AKAP19: variants seen among roughly 807,000 people sequenced by gnomAD.
AKAP19 encodes the protein A-kinase anchoring protein 19.
the AKAP19 span, among the ~76,000 whole-genome samples, chr2:190,025,061 C>G: frequency 1.3e-5 from 2 of 152,122 alleles, no homozygotes; most frequent in African/African-American, 4.8e-5. Context: ...TGCATTTTAG[C>G]TTTCATATCA....
the AKAP19 span, among the ~76,000 whole-genome samples, chr2:189,966,684 G>T: frequency 6.6e-6 from 1 of 152,102 alleles, no homozygotes; most frequent in African/African-American, 2.4e-5. Flanking sequence ...AAGTAAACCT[G>T]GGGAAATCTG....
the AKAP19 span, among the ~76,000 whole-genome samples, chr2:190,058,612 C>T: frequency 6.6e-6 from 1 of 151,860 alleles, no homozygotes; most frequent in Non-Finnish European, 1.5e-5. Context: ...CCTAAGTGCC[C>T]ATCAGCGGAT....
chr2:190,027,299 A>T, the AKAP19 span, among the ~76,000 whole-genome samples: 10 of 152,312 alleles, frequency 6.6e-5, no homozygotes, highest in Admixed American at 1.3e-4. Context: ...GTGGCTATGT[A>T]CTAGAGATCA....
the AKAP19 span, among the ~76,000 whole-genome samples, chr2:190,094,123 G>A: frequency 6.6e-6 from 1 of 152,208 alleles, no homozygotes; most frequent in Non-Finnish European, 1.5e-5. Context: ...CCACTATGTG[G>A]GAAAAGATTG....
At chr2:190,154,048 T>C in the AKAP19 span, among the ~76,000 whole-genome samples, 2 of 152,312 alleles carry the variant, frequency 1.3e-5, no homozygotes, top group Admixed American at 1.3e-4. Context: ...TTGCAACCTC[T>C]TCTTTAGGAT....
At chr2:190,038,368 G>A in the AKAP19 span, among the ~76,000 whole-genome samples, 1 of 152,116 alleles carries the variant, frequency 6.6e-6, no homozygotes, top group Non-Finnish European at 1.5e-5. Flanking sequence ...AAACCATCTG[G>A]AGAGGTCAGG....
the AKAP19 span, among the ~76,000 whole-genome samples, chr2:190,130,657 T>A: frequency 6.6e-6 from 1 of 152,166 alleles, no homozygotes; most frequent in Non-Finnish European, 1.5e-5. Context: ...CCTGAGGATG[T>A]AATATCTATA....
At chr2:190,097,847 G>C in the AKAP19 span, among the ~76,000 whole-genome samples, 205 of 111,574 alleles carry the variant, frequency 1.8e-3, 1 homozygote, top group African/African-American at 7.4e-3. Context: ...CACAGTGAGA[G>C]CTGGTTTCTA....
At chr2:190,137,047 G>A in the AKAP19 span, among the ~76,000 whole-genome samples, 1 of 152,100 alleles carries the variant, frequency 6.6e-6, no homozygotes, top group South Asian at 2.1e-4. Context: ...TTCAGAACAG[G>A]GACAATCATA....
At chr2:190,184,906 C>G in the AKAP19 span, among the ~76,000 whole-genome samples, 4 of 152,108 alleles carry the variant, frequency 2.6e-5, no homozygotes, top group Non-Finnish European at 5.9e-5. Flanking sequence ...CTCTCTTCCC[C>G]CAAGACACTG....
At chr2:189,995,155 T>C in the AKAP19 span, among the ~76,000 whole-genome samples, 1 of 152,234 alleles carries the variant, frequency 6.6e-6, no homozygotes, top group African/African-American at 2.4e-5. Flanking sequence ...TTCTAGGGTA[T>C]AGTTTAAGTC....
the AKAP19 span, chr2:190,059,947 T>TA: frequency 9.1e-7 from 1 of 1,100,316 alleles, no homozygotes; most frequent in Non-Finnish European, 1.3e-6. Context: ...TGGGGTAAGA[T>TA]ACCTTTGTCT....
the AKAP19 span, among the ~76,000 whole-genome samples, chr2:190,008,142 T>C: frequency 6.6e-6 from 1 of 152,230 alleles, no homozygotes; most frequent in South Asian, 2.1e-4. Flanking sequence ...AACTGAAATA[T>C]CTGTTGGTGC....
At chr2:190,189,089 T>C in the AKAP19 span, among the ~76,000 whole-genome samples, 5 of 152,094 alleles carry the variant, frequency 3.3e-5, no homozygotes, top group African/African-American at 4.8e-5. Flanking sequence ...AGAGACCTGT[T>C]TGGGAGACTG....
At chr2:189,974,220 C>T in the AKAP19 span, among the ~76,000 whole-genome samples, 1 of 152,126 alleles carries the variant, frequency 6.6e-6, no homozygotes, top group South Asian at 2.1e-4. Flanking sequence ...TTTATCTCTG[C>T]CCTCATTTCG....
chr2:190,052,924 AT>A, the AKAP19 span, among the ~76,000 whole-genome samples: 1 of 152,172 alleles, frequency 6.6e-6, no homozygotes, highest in African/African-American at 2.4e-5. Flanking sequence ...AGTGAATAAT[AT>A]TTTGCCTATA....
the AKAP19 span, among the ~76,000 whole-genome samples, chr2:190,133,036 A>G: frequency 1.3e-5 from 2 of 152,004 alleles, no homozygotes; most frequent in Non-Finnish European, 2.9e-5. Flanking sequence ...GGAGATAGAG[A>G]CCATCCTGGC....
At chr2:190,049,651 A>G in the AKAP19 span, among the ~76,000 whole-genome samples, 1 of 152,236 alleles carries the variant, frequency 6.6e-6, no homozygotes, top group Non-Finnish European at 1.5e-5. Context: ...AGAGTGAAGC[A>G]GTGGAAAGCA....
chr2:190,141,485 G>A, the AKAP19 span, among the ~76,000 whole-genome samples: 1 of 152,158 alleles, frequency 6.6e-6, no homozygotes, highest in Non-Finnish European at 1.5e-5. Flanking sequence ...CAGTCATGGT[G>A]GAAGGAGAAG....
Sources: allele counts gnomAD v4.1 joint callset (sites outside exome capture counted in the v4.1 genomes callset), GRCh38; gene constraint gnomAD v4.1.1; transcripts MANE v1.5; gene names NCBI Gene and HGNC (gene_info 2026-07-23, HGNC 2026-07-21).